The following BRWD3 variants were observed in gnomAD, a reference collection of about 807,000 sequenced individuals.
BRWD3 encodes the protein bromodomain and WD repeat-containing protein 3.
BRWD3 carries 10 observed loss-of-function variants against 149.7 expected under a neutral mutation model. That is an observed-to-expected ratio of 0.07 (90% confidence interval 0.04 to 0.11). The LOEUF (loss-of-function observed/expected upper bound fraction) is 0.11, where lower values mean the gene tolerates loss of function less well. Ranked by LOEUF, BRWD3 falls within the 10% of genes least tolerant of loss-of-function variation. The pLI is 1.00. For synonymous variants in BRWD3, 504 were observed against 456.7 expected (o/e 1.10, Z -1.32); for missense variants, 940 against 1,373.2 (o/e 0.68, Z 4.99).
intron 24 of BRWD3, 51 bp from the exon 25 acceptor site, chrX:80,700,115 T>C (rs1265015630): frequency 2.3e-6 from 2 of 858,364 alleles, no homozygotes; most frequent in Admixed American, 2.4e-5. Context: ...TATAACTCTG[T>C]ATGTCCAATA....
In BRWD3 at chrX:80,744,379, T is replaced by G; in HGVS notation, c.592-126A>C. 3 of 508,103 alleles carry G rather than the reference T, an allele frequency of 5.9e-6. No homozygotes were observed. In the South Asian group the frequency reaches 9.0e-5, roughly 15 times the overall value. The allele number at this position is 508,103 out of a possible 1,213,427, so 41.9% of individuals were successfully genotyped here. On this transcript the variant is annotated intron_variant, in intron 7 of 40. Coordinates refer to ENST00000373275, the MANE Select transcript of BRWD3 (RefSeq NM_153252.5). Reference sequence around the variant, plus strand: ...AGCCTTTACTTTCTAGTCTCCTCTCTACATATAATAGGGATCCAGTAGCAA... The same window carrying G: ...AGCCTTTACTTTCTAGTCTCCTCTCGACATATAATAGGGATCCAGTAGCAA...
chrX:80,699,980 G>A lies in BRWD3; in HGVS notation c.2920C>T (p.Pro974Ser). ...KIYSVNLQKQ[P>S]WNKMDLREQE... ...ACCCTGAGATCCATTTTGTTCCATG[G>A]CTGTTTTTGTAAATTAACACTGTAT... Residue 974 changes from proline to serine, a missense_variant, in exon 25 of 41, where the codon CCA (proline) becomes TCA (serine). Around this residue, in one of 6 missense-constraint regions of BRWD3, gnomAD observed 158 missense variants for 284.0 expected, o/e 0.56. Transcript: ENST00000373275. 7.5e-6 allele frequency: 9 copies of A among 1,207,269 alleles called. No homozygotes were observed. Among genetic ancestry groups the A allele is most frequent in the Non-Finnish European group, 1.0e-5 (9 of 892,568 alleles).
At chrX:80,799,232 A>G (rs2074269357) in intron 4 of BRWD3, among the ~76,000 whole-genome samples, 1 of 112,043 alleles carries the variant, frequency 8.9e-6, no homozygotes, top group African/African-American at 3.2e-5. Context: ...GATACTATTC[A>G]TCATAATTAG....
chrX:80,784,296 G>C (rs1294310731), intron 6 of BRWD3, among the ~76,000 whole-genome samples: 1 of 111,682 alleles, frequency 9.0e-6, no homozygotes, highest in African/African-American at 3.3e-5. Context: ...TATAAAAACT[G>C]TTTAGATTAT....
rs1464308108 is a variant in BRWD3, at chrX:80,717,726, G to T, written c.2078C>A (p.Ser693Tyr). The T allele has an allele frequency of 1.7e-6, 2 of 1,211,278 alleles. No individual in the cohort carries two copies. The highest frequency in any genetic ancestry group is 3.0e-5 in the East Asian group (1 of 33,821). Reference sequence around the variant, plus strand: ...ATGTCTTCGAAGCCTGATGTTTGGGGAAGAAGATATGTCCATGTTTGGACT... The same window carrying T: ...ATGTCTTCGAAGCCTGATGTTTGGGTAAGAAGATATGTCCATGTTTGGACT... ...LRSPNMDISS[S>Y]PNIRLRRHSS... Residue 693 changes from serine (S) to tyrosine (Y), a missense_variant, in exon 19 of 41, where the codon TCC (serine) becomes TAC (tyrosine). Transcript: ENST00000373275.
chrX:80,708,963 C>A (rs1032984257), intron 21 of BRWD3, among the ~76,000 whole-genome samples: 6 of 111,775 alleles, frequency 5.4e-5, no homozygotes, highest in African/African-American at 9.7e-5. Context: ...TGAAAAGAAG[C>A]TATGCTCTTT....
At chrX:80,742,230 G>A (rs984176862) in intron 8 of BRWD3, among the ~76,000 whole-genome samples, 2 of 110,516 alleles carry the variant, frequency 1.8e-5, no homozygotes, top group African/African-American at 3.3e-5. Context: ...TAGATATGTG[G>A]CATTATGTCT....
intron 17 of BRWD3, among the ~76,000 whole-genome samples, chrX:80,721,153 A>T (rs1241882718): frequency 8.9e-6 from 1 of 112,333 alleles, no homozygotes; most frequent in Admixed American, 9.5e-5. Flanking sequence ...CTTAATGATT[A>T]TTTCTGAATG....
chrX:80,808,432 G>T, intron 4 of BRWD3, 107 bp downstream of exon 4: 1 of 608,730 alleles, frequency 1.6e-6, no homozygotes, highest in East Asian at 3.8e-5. Flanking sequence ...GCTCTGCACC[G>T]AGCTCTAGAA....
chrX:80,767,492 C>T (rs1267413091), intron 6 of BRWD3, among the ~76,000 whole-genome samples: 3 of 111,099 alleles, frequency 2.7e-5, no homozygotes, highest in African/African-American at 9.8e-5. Flanking sequence ...AACTAACAAA[C>T]AACAAGGAAT....
chrX:80,723,074 G>A (rs997623388), intron 16 of BRWD3, among the ~76,000 whole-genome samples: 6 of 111,438 alleles, frequency 5.4e-5, no homozygotes, highest in African/African-American at 1.6e-4. Context: ...ATAGTTGGGC[G>A]TTTGTATTGA....
intron 15 of BRWD3, 29 bp downstream of exon 15, chrX:80,724,904 T>C (rs1284904598): frequency 6.6e-6 from 8 of 1,208,275 alleles, no homozygotes; most frequent in Non-Finnish European, 7.8e-6. Flanking sequence ...GGTTTTAATG[T>C]GAACTAGATA....
chrX:80,794,430 C>T (rs1278145853), intron 4 of BRWD3, among the ~76,000 whole-genome samples: 1 of 108,363 alleles, frequency 9.2e-6, no homozygotes, highest in Non-Finnish European at 1.9e-5. Flanking sequence ...ACTTGAGCCC[C>T]AGAGGCAGAG....
At chrX:80,695,715 G>A (rs1321692688) in intron 27 of BRWD3, among the ~76,000 whole-genome samples, 193 bp downstream of exon 27, 1 of 111,544 alleles carries the variant, frequency 9.0e-6, no homozygotes, top group Non-Finnish European at 1.9e-5. Context: ...ATTTGCAGAA[G>A]GTTTAGAGAT....
intron 8 of BRWD3, among the ~76,000 whole-genome samples, chrX:80,739,709 A>G (rs1388421233): frequency 3.6e-5 from 4 of 111,890 alleles, no homozygotes; most frequent in Non-Finnish European, 7.5e-5. Flanking sequence ...ACCAAGCCCT[A>G]AGTTTTTTCC....
chrX:80,771,193 T>C (rs1602416887), intron 6 of BRWD3, among the ~76,000 whole-genome samples: 1 of 111,456 alleles, frequency 9.0e-6, no homozygotes, highest in East Asian at 2.8e-4. Context: ...ATTTATAGAT[T>C]CAATGCCATC....
chrX:80,797,329 T>C (rs1178622040), intron 4 of BRWD3, among the ~76,000 whole-genome samples: 1 of 111,679 alleles, frequency 9.0e-6, no homozygotes, highest in Admixed American at 9.6e-5. Context: ...ACATTTTTAC[T>C]GGTAATTATT....
chrX:80,802,933 G>T (rs1028298176), intron 4 of BRWD3, among the ~76,000 whole-genome samples: 2 of 109,912 alleles, frequency 1.8e-5, no homozygotes, highest in African/African-American at 6.7e-5. Flanking sequence ...GAGAAACCCC[G>T]TCTCTGCTAA....
At position 80,809,027 on chromosome X, in the gene BRWD3, G is replaced by C; in HGVS notation, c.106C>G (p.Leu36Val). 1.7e-6 allele frequency: 2 copies of C among 1,195,697 alleles called. No individual in the cohort carries two copies. The highest frequency in any genetic ancestry group is 2.3e-6 in the Non-Finnish European group (2 of 887,291). The stretch of plus-strand genomic sequence containing the variant: ...GGGCTCCGTACCTGATGCTCCTCGA[G>C]CTCCTGCACTAGCACCTGAGCAAAA... ...NKSAQVLVQE[L>V]EEHQLIPRRL... Residue 36 changes from leucine to valine, a missense_variant, in exon 3 of 41, where the codon CTC becomes GTC. By Grantham distance (32) the Leu-to-Val change is conservative. Around this residue, in one of 6 missense-constraint regions of BRWD3, gnomAD observed 105 missense variants for 127.7 expected, o/e 0.82. Coordinates refer to ENST00000373275, the MANE Select transcript of BRWD3 (RefSeq NM_153252.5).
Sources: allele counts gnomAD v4.1 joint callset (sites outside exome capture counted in the v4.1 genomes callset), GRCh38; gene constraint gnomAD v4.1.1; regional missense constraint gnomAD v4.1.1; transcripts MANE v1.5; gene names NCBI Gene and HGNC (gene_info 2026-07-23, HGNC 2026-07-21).